The following GCNT2 variants were observed in gnomAD, a reference collection of about 807,000 sequenced individuals.
GCNT2 encodes the protein N-acetyllactosaminide beta-1,6-N-acetylglucosaminyl-transferase.
Under a neutral mutation model 34.2 loss-of-function variants are expected in GCNT2, and 34 were observed. The ratio of observed to expected loss-of-function variants is 1.00; its 90% CI spans 0.76 to 1.32. The LOEUF (loss-of-function observed/expected upper bound fraction) is 1.32, where lower values mean the gene tolerates loss of function less well. Ranked by LOEUF, GCNT2 falls within the 40% of genes most tolerant of loss-of-function variation. The probability of loss-of-function intolerance (pLI) is 0.00; values close to 1 mark genes in which losing one functional copy is unlikely to be tolerated. For synonymous variants in GCNT2, 212 were observed against 188.0 expected (o/e 1.13, Z -1.04); for missense variants, 584 against 489.4 (o/e 1.19, Z -1.82).
chr6:10,529,918 A>G lies in GCNT2; in HGVS notation c.925+82A>G, dbSNP rs1761402103. On this transcript the variant is annotated intron_variant, in intron 3 of 4. Transcript: ENST00000495262. ...AATAAGTTGCTTTGAAAAGAGTGGA[A>G]AAAATGGGACAAACTTCTTTACGGT... The G allele has an allele frequency of 8.9e-6, 10 of 1,124,086 alleles. No individual in the cohort carries two copies. The South Asian group carries it at 1.0e-4, about 12-fold the overall frequency. 69.6% of individuals were successfully genotyped at this position (1,124,086 alleles called of 1,614,324 possible).
At chr6:10,551,599 C>T (rs562256842) in intron 3 of GCNT2, among the ~76,000 whole-genome samples, 1 of 152,114 alleles carries the variant, frequency 6.6e-6, no homozygotes, top group South Asian at 2.1e-4. Flanking sequence ...CGCCCACCAC[C>T]ATGCCTGACT....
In GCNT2 at chr6:10,600,780, A is replaced by ATTTG. The variant is rs537711790; in HGVS notation, c.926-20568_926-20567insGTTT. ...TTTATTTTTATTTATTTATTTATTT[A>ATTTG]TTTAGAGACAGCATCTCATTCTGTT... On this transcript the variant is annotated intron_variant, in intron 3 of 4. Coordinates refer to ENST00000495262, the MANE Select transcript of GCNT2 (RefSeq NM_145649.5). Among the ~76,000 whole-genome samples, 228 of 151,904 alleles carry ATTTG rather than the reference A, an allele frequency of 1.5e-3. 2 individuals are homozygous for ATTTG. The highest frequency in any genetic ancestry group is 5.3e-3 in the African/African-American group (218 of 41,416).
rs1283712903 is a variant in GCNT2, at chr6:10,582,501, A to G, written c.926-38850A>G. ...TATAATATATACTATAATATATAAT[A>G]TAATACATCATATATTATATTATAC... On this transcript the variant is annotated intron_variant, in intron 3 of 4. Transcript: ENST00000495262. 3.4e-3 allele frequency among the ~76,000 whole-genome samples: 422 copies of G among 125,876 alleles called. 6 individuals are homozygous for G. The highest frequency in any genetic ancestry group is 0.014 in the African/African-American group (405 of 29,324). The allele number at this position is 125,876 out of a possible 152,430, so 82.6% of individuals were successfully genotyped here. A position where few individuals can be genotyped will look rare whatever the true frequency, so the allele number is the denominator to read the frequency against.
At chr6:10,625,130 GTTCTA>G (rs932259650) in intron 4 of GCNT2, among the ~76,000 whole-genome samples, 2 of 151,980 alleles carry the variant, frequency 1.3e-5, no homozygotes, top group African/African-American at 4.8e-5. Context: ...TAATCACCAT[GTTCTA>G]TCTGTCCTTC....
chr6:10,529,259 GATTTATATGCCCCAAA>G lies in GCNT2; in HGVS notation c.351_366del (p.Ile117MetfsTer19), dbSNP rs1761355040. The stretch of plus-strand genomic sequence containing the variant: ...GCACTTTTGAGAGGCTCTTCAGGGC[GATTTATATGCCCCAAA>G]ATGTCTACTGTGTGCACCTGGATCA... On this transcript the variant is annotated frameshift_variant, in exon 3 of 5. Coordinates refer to ENST00000495262, the MANE Select transcript of GCNT2 (RefSeq NM_145649.5). LOFTEE classifies it high-confidence loss of function. 1.2e-6 allele frequency: 2 copies of G among 1,614,014 alleles called. No homozygotes were observed. The highest frequency in any genetic ancestry group is 2.7e-5 in the African/African-American group (2 of 74,918).
chr6:10,580,236 C>T (rs1019050399), intron 3 of GCNT2, among the ~76,000 whole-genome samples: 3 of 151,734 alleles, frequency 2.0e-5, no homozygotes, highest in African/African-American at 7.3e-5. Flanking sequence ...CAGCCCTGGG[C>T]TCATGATCCC....
chr6:10,571,946 C>T (rs1048997928), intron 3 of GCNT2, among the ~76,000 whole-genome samples: 3 of 152,008 alleles, frequency 2.0e-5, no homozygotes, highest in African/African-American at 7.3e-5. Flanking sequence ...TTTCCTTTCA[C>T]ACTGATAGTT....
intron 3 of GCNT2, chr6:10,586,966 C>A: frequency 8.0e-7 from 1 of 1,250,958 alleles, no homozygotes; most frequent in Non-Finnish European, 1.2e-6. Flanking sequence ...TAACATTCTG[C>A]TCGCCTAGAG....
rs1441369479 is a variant in GCNT2, at chr6:10,626,544, G to C, written c.1146G>C (p.Leu382=). 6.2e-7 allele frequency: 1 copy of C among 1,613,394 alleles called. No individual in the cohort carries two copies. Among genetic ancestry groups the C allele is most frequent in the East Asian group, 2.2e-5 (1 of 44,900 alleles). Residue 382 remains leucine (L), a synonymous_variant, in exon 5 of 5, where the codon CTG becomes CTC. Coordinates refer to ENST00000495262, the MANE Select transcript of GCNT2 (RefSeq NM_145649.5). ...CCCTTACTGTGGAATGCCTAGAACT[G>C]AGGCATCGCGAAAGAACCCTCAATC... ...TYPLTVECLE[L]RHRERTLNQS... is the part of the protein sequence containing the mutation.
rs138836766 is a variant in GCNT2 at position 10,605,931 on chromosome 6, C to G, written c.926-15420C>G. 2.6e-3 allele frequency among the ~76,000 whole-genome samples: 394 copies of G among 152,294 alleles called. 5 individuals are homozygous for G. The highest frequency in any genetic ancestry group is 8.9e-3 in the African/African-American group (371 of 41,558). ...TATCACTCACCTGACCTGGCGTTCT[C>G]CCCAATGATCTCTCCTTCTCTGATG... On this transcript the variant is annotated intron_variant, in intron 3 of 4. Transcript: ENST00000495262.
At chr6:10,600,780 A>AT (rs537711790) in intron 3 of GCNT2, among the ~76,000 whole-genome samples, 1 of 151,788 alleles carries the variant, frequency 6.6e-6, no homozygotes, top group Admixed American at 6.6e-5. Flanking sequence ...TTATTTATTT[A>AT]TTTAGAGACA....
chr6:10,616,072 C>A lies in GCNT2; in HGVS notation c.926-5279C>A, dbSNP rs1005320755. 5.3e-5 allele frequency among the ~76,000 whole-genome samples: 8 copies of A among 152,212 alleles called. No individual in the cohort carries two copies. In the South Asian group the frequency reaches 1.2e-3, roughly 24 times the overall value. On this transcript the variant is annotated intron_variant, in intron 3 of 4. Transcript: ENST00000495262. The stretch of plus-strand genomic sequence containing the variant: ...TGAGTGTTACAGTTCTTAAAAGCAG[C>A]GGGTCTGGAGTTTGTTCCCTCTAAT...
At position 10,549,501 on chromosome 6, in the gene GCNT2, A is replaced by G. The variant is rs572785785; in HGVS notation, c.925+19665A>G. Reference sequence around the variant, plus strand: ...AGGGCATGAGGGTTGCTGTTGCTCCATATCTTCACGAATTGAATTGGTATT... The same window carrying G: ...AGGGCATGAGGGTTGCTGTTGCTCCGTATCTTCACGAATTGAATTGGTATT... On this transcript the variant is annotated intron_variant, in intron 3 of 4. Coordinates refer to ENST00000495262, the MANE Select transcript of GCNT2 (RefSeq NM_145649.5). Among the ~76,000 whole-genome samples the G allele has an allele frequency of 2.7e-5, 4 of 150,166 alleles. No homozygotes were observed. In the South Asian group the frequency reaches 6.3e-4, roughly 24 times the overall value.
At chr6:10,564,413 G>T (rs1763186111) in intron 3 of GCNT2, among the ~76,000 whole-genome samples, 1 of 152,190 alleles carries the variant, frequency 6.6e-6, no homozygotes, top group African/African-American at 2.4e-5. Flanking sequence ...GTCTCCCTTA[G>T]CTCTCCCTAC....
chr6:10,610,502 C>G (rs988829805), intron 3 of GCNT2, among the ~76,000 whole-genome samples: 1 of 152,192 alleles, frequency 6.6e-6, no homozygotes. Context: ...CTGAACTGCT[C>G]TGAGCCAAGG....
chr6:10,592,247 A>G (rs1334834864), intron 3 of GCNT2, among the ~76,000 whole-genome samples: 1 of 152,252 alleles, frequency 6.6e-6, no homozygotes, highest in Non-Finnish European at 1.5e-5. Flanking sequence ...GTATCCATTG[A>G]ACAGACTCTT....
At chr6:10,561,909 T>C (rs539891271) in intron 3 of GCNT2, among the ~76,000 whole-genome samples, 34 of 152,274 alleles carry the variant, frequency 2.2e-4, no homozygotes, top group South Asian at 1.7e-3. Context: ...TCTAAAAATA[T>C]CGTGTTTCCT....
At chr6:10,620,001 A>T (rs1365429380) in intron 3 of GCNT2, among the ~76,000 whole-genome samples, 2 of 152,260 alleles carry the variant, frequency 1.3e-5, no homozygotes, top group East Asian at 3.9e-4. Flanking sequence ...AATGTTGAGG[A>T]CCCTTGTGAT....
chr6:10,602,439 C>T (rs1765126773), intron 3 of GCNT2, among the ~76,000 whole-genome samples: 1 of 152,186 alleles, frequency 6.6e-6, no homozygotes, highest in Non-Finnish European at 1.5e-5. Flanking sequence ...ATGGGTATTT[C>T]AGGAAGAAGT....
Sources: gnomAD v4.1 joint callset for allele counts (sites outside exome capture counted in the v4.1 genomes callset) on GRCh38, gnomAD v4.1.1 for gene constraint, MANE v1.5 for transcripts, NCBI Gene and HGNC (gene_info 2026-07-23, HGNC 2026-07-21) for gene names.